The following CNTRL variants were observed in gnomAD, a reference collection of about 807,000 sequenced individuals.
CNTRL encodes the protein 110 kDa centrosomal protein.
Under a neutral mutation model 303.7 loss-of-function variants are expected in CNTRL, and 233 were observed. The ratio of observed to expected loss-of-function variants is 0.77; its 90% CI spans 0.69 to 0.86. CNTRL has a LOEUF of 0.86. Among genes scored for constraint, CNTRL ranks in the 40% least tolerant of loss-of-function variants. CNTRL has a pLI of 0.00. For synonymous variants in CNTRL, 900 were observed against 922.2 expected (o/e 0.98, Z 0.44); for missense variants, 2,524 against 2,650.6 (o/e 0.95, Z 1.05).
Position 121,150,503 on chromosome 9 carries a change from A to C in CNTRL, c.3963+20A>C, listed in dbSNP as rs1200221096. The C allele has an allele frequency of 6.2e-7, 1 of 1,604,266 alleles. No individual in the cohort carries two copies. Among genetic ancestry groups the C allele is most frequent in the Non-Finnish European group, 8.5e-7 (1 of 1,171,618 alleles). ...AACTTAGTAAGTGGAAAGACATACA[A>C]CTCTCTTTCCACACTGCTTCCATGG... On this transcript the variant is annotated intron_variant, in intron 25 of 43. Coordinates refer to ENST00000373855, the MANE Select transcript of CNTRL (RefSeq NM_007018.6).
rs528484809 is a variant in CNTRL at position 121,175,605 on chromosome 9, A to G, written c.6954+381A>G. On this transcript the variant is annotated intron_variant, in intron 43 of 43. Transcript: ENST00000373855. ...CGTAAGATAGGATTTAATATATTAC[A>G]TAGAAAGTACTTAAAAGCCGTGGGG... Among the ~76,000 whole-genome samples the G allele has an allele frequency of 4.6e-5, 7 of 152,362 alleles. No individual in the cohort carries two copies. The East Asian group carries it at 9.6e-4, about 21-fold the overall frequency.
intron 19 of CNTRL, among the ~76,000 whole-genome samples, chr9:121,142,900 C>T (rs1050734635): frequency 2.9e-4 from 44 of 151,470 alleles, no homozygotes; most frequent in African/African-American, 8.8e-4. Context: ...ATTTTGTGGT[C>T]TACCAACTAT....
chr9:121,086,148 G>T (rs1235451964), intron 2 of CNTRL, among the ~76,000 whole-genome samples: 1 of 152,112 alleles, frequency 6.6e-6, no homozygotes, highest in African/African-American at 2.4e-5. Flanking sequence ...GGGATGACTG[G>T]AAGATAACTC....
intron 13 of CNTRL, 95 bp downstream of exon 13, chr9:121,124,179 C>A: frequency 9.4e-7 from 1 of 1,068,100 alleles, no homozygotes; most frequent in Non-Finnish European, 1.3e-6. Flanking sequence ...TAGCTAAATA[C>A]AGTTCACCTA....
At chr9:121,085,424 C>T (rs2048308379) in intron 2 of CNTRL, among the ~76,000 whole-genome samples, 1 of 149,876 alleles carries the variant, frequency 6.7e-6, no homozygotes, top group Non-Finnish European at 1.5e-5. Context: ...AATATGCATA[C>T]AGAGAGAGAG....
intron 43 of CNTRL, among the ~76,000 whole-genome samples, chr9:121,176,796 TG>T (rs2053544536): frequency 6.6e-6 from 1 of 152,194 alleles, no homozygotes; most frequent in African/African-American, 2.4e-5. Context: ...CCTTTTTTTC[TG>T]GTAAGAACAG....
At chr9:121,154,472 TG>T (rs1366972675) in intron 26 of CNTRL, among the ~76,000 whole-genome samples, 1 of 152,226 alleles carries the variant, frequency 6.6e-6, no homozygotes, top group Non-Finnish European at 1.5e-5. Flanking sequence ...TAATCTTTGT[TG>T]TTATATTTAA....
At position 121,173,730 on chromosome 9, in the gene CNTRL, G is replaced by A. The variant is rs764334541; in HGVS notation, c.6740G>A (p.Arg2247Gln). 59 of 1,613,974 alleles carry A rather than the reference G, an allele frequency of 3.7e-5. No individual in the cohort carries two copies. In the Middle Eastern group the frequency reaches 4.9e-4, roughly 13 times the overall value. ...GAGAAACTGCGTCACCGGGAAGACC[G>A]ACTCAAGGTTGCCCTTTAAAACAAA... Reference protein sequence around the residue: ...LREKLRHREDRLKAQLRHCMS... With the variant: ...LREKLRHREDQLKAQLRHCMS... The change falls in exon 42 of 44, where the codon CGA (arginine) becomes CAA (glutamine). Residue 2247 changes from arginine to glutamine, a missense_variant. Physicochemically the swap from Arg to Gln is conservative, Grantham distance 43. Coordinates refer to ENST00000373855, the MANE Select transcript of CNTRL (RefSeq NM_007018.6).
rs552847557 is a variant in CNTRL, at chr9:121,148,570, C to A, written c.3460-102C>A. ...ATAATGAAAAGAAGCCAAGTTCTTT[C>A]TCAACCTTGCTACATCTCAACTTTG... On this transcript the variant is annotated intron_variant, in intron 23 of 43. Transcript: ENST00000373855. 1.5e-5 allele frequency: 16 copies of A among 1,093,556 alleles called. No individual in the cohort carries two copies. The African/African-American group carries it at 2.5e-4, about 17-fold the overall frequency. 67.7% of individuals were successfully genotyped at this position (1,093,556 alleles called of 1,614,324 possible).
intron 12 of CNTRL, among the ~76,000 whole-genome samples, chr9:121,121,025 C>A (rs191462218): frequency 1.3e-5 from 2 of 152,196 alleles, no homozygotes; most frequent in Admixed American, 1.3e-4. Flanking sequence ...AAAATGTGAG[C>A]CTTTAAGCAG....
chr9:121,157,668 A>G, intron 28 of CNTRL, 68 bp downstream of exon 28: 1 of 1,605,134 alleles, frequency 6.2e-7, no homozygotes, highest in Non-Finnish European at 8.5e-7. Context: ...CTAAGGGGAT[A>G]ATAATTGGTT....
chr9:121,131,977 C>G (rs1281708967), intron 14 of CNTRL, among the ~76,000 whole-genome samples: 2 of 152,354 alleles, frequency 1.3e-5, no homozygotes, highest in African/African-American at 4.8e-5. Flanking sequence ...TCTCTTCTGG[C>G]TTGTAGAGTT....
chr9:121,085,928 C>T (rs1588050168), intron 2 of CNTRL, among the ~76,000 whole-genome samples: 1 of 152,066 alleles, frequency 6.6e-6, no homozygotes, highest in Non-Finnish European at 1.5e-5. Context: ...GGAACCATTA[C>T]ATTTCTTTTG....
chr9:121,150,463 G>A lies in CNTRL; in HGVS notation c.3943G>A (p.Val1315Ile), dbSNP rs573079842. The change falls in exon 25 of 44, where the codon GTC becomes ATC. Residue 1315 changes from valine (V) to isoleucine (I), a missense_variant. By Grantham distance (29) the Val-to-Ile change is conservative. Transcript: ENST00000373855. The stretch of plus-strand genomic sequence containing the variant: ...CCCTATGGGTGTGCTGCATTGCAAC[G>A]TCCCTGAACACCATAACTTAGTAAG... ...FIPMGVLHCNVPEHHNLENEV... is the reference protein window; with the variant it reads ...FIPMGVLHCNIPEHHNLENEV... 24 of 1,614,006 alleles carry A rather than the reference G, an allele frequency of 1.5e-5. No homozygotes were observed. In the Admixed American group the frequency reaches 2.8e-4, roughly 19 times the overall value.
At chr9:121,087,476 A>C (rs2048389738) in intron 2 of CNTRL, among the ~76,000 whole-genome samples, 1 of 152,118 alleles carries the variant, frequency 6.6e-6, no homozygotes, top group Non-Finnish European at 1.5e-5. Context: ...GGATCACCTG[A>C]GGTCAGGAGT....
At chr9:121,086,277 A>C (rs1687676994) in intron 2 of CNTRL, among the ~76,000 whole-genome samples, 1 of 152,154 alleles carries the variant, frequency 6.6e-6, no homozygotes, top group Non-Finnish European at 1.5e-5. Context: ...TACAGTTCAG[A>C]ATGGAGACAA....
intron 4 of CNTRL, among the ~76,000 whole-genome samples, chr9:121,091,014 C>G (rs2048546559): frequency 6.6e-6 from 1 of 152,158 alleles, no homozygotes; most frequent in African/African-American, 2.4e-5. Context: ...CTTATAATAA[C>G]CACCAGATCT....
At chr9:121,128,123 A>G (rs998514516) in intron 14 of CNTRL, among the ~76,000 whole-genome samples, 1 of 152,138 alleles carries the variant, frequency 6.6e-6, no homozygotes, top group African/African-American at 2.4e-5. Flanking sequence ...ATGTGTCTTT[A>G]TAGTAGCATG....
At chr9:121,129,687 G>T (rs1175246426) in intron 14 of CNTRL, among the ~76,000 whole-genome samples, 1 of 152,190 alleles carries the variant, frequency 6.6e-6, no homozygotes, top group African/African-American at 2.4e-5. Flanking sequence ...TAGGAGTGGT[G>T]AGAGAGGGCA....
Sources: gnomAD v4.1 joint callset for allele counts (sites outside exome capture counted in the v4.1 genomes callset) on GRCh38, gnomAD v4.1.1 for gene constraint, MANE v1.5 for transcripts, NCBI Gene and HGNC (gene_info 2026-07-23, HGNC 2026-07-21) for gene names.